The following AGL variants were observed in gnomAD, a reference collection of about 807,000 sequenced individuals.
AGL encodes the protein amylo-alpha-1,6-glucosidase and 4-alpha-glucanotransferase, also known as glycogen debranching enzyme.
A neutral mutation model predicts 199.3 loss-of-function variants in AGL; 128 were observed. That is an observed-to-expected ratio of 0.64 (90% CI 0.56 to 0.74). AGL has a LOEUF of 0.74. Ranked by LOEUF, AGL falls within the 30% of genes least tolerant of loss-of-function variation. The pLI is 0.00. For missense variants in AGL, 1,809 were observed against 1,820.8 expected (o/e 0.99, Z 0.12); for synonymous variants, 584 against 594.7 (o/e 0.98, Z 0.26).
In AGL at chr1:99,896,273, T is replaced by C; in HGVS notation, c.3260-13T>C. The C allele has an allele frequency of 1.3e-6, 2 of 1,580,256 alleles. No individual in the cohort carries two copies. Among genetic ancestry groups the C allele is most frequent in the Admixed American group, 1.7e-5 (1 of 59,892 alleles). On this transcript the variant is annotated splice_polypyrimidine_tract_variant and intron_variant, in intron 24 of 33. Coordinates refer to ENST00000361915, the MANE Select transcript of AGL (RefSeq NM_000642.3). ...ATGATTAACATATTACTTTGTTGTG[T>C]TTTTTTTGTTAGGCTTACCTCATTT...
At chr1:99,879,106 A>G (rs1204247232) in intron 12 of AGL, among the ~76,000 whole-genome samples, 2 of 152,230 alleles carry the variant, frequency 1.3e-5, no homozygotes, top group African/African-American at 2.4e-5. Context: ...AACGTAAATC[A>G]CACAAGTGGA....
At chr1:99,886,581 C>T (rs1187821615) in intron 20 of AGL, among the ~76,000 whole-genome samples, 1 of 152,078 alleles carries the variant, frequency 6.6e-6, no homozygotes, top group East Asian at 1.9e-4. Flanking sequence ...GTTTTTGACA[C>T]ATAGTGATTG....
At position 99,862,320 on chromosome 1, in the gene AGL, T is replaced by C. The variant is rs752374392; in HGVS notation, c.357T>C (p.Asn119=). The part of the protein sequence containing the change: ...VDPILRVGAD[N]HVLPLDCVTL... Reference sequence around the variant, plus strand: ...CCATTTTACGTGTTGGTGCTGATAATCATGTGCTACCCTTGGACTGTGTTA... The same window carrying C: ...CCATTTTACGTGTTGGTGCTGATAACCATGTGCTACCCTTGGACTGTGTTA... The change falls in exon 4 of 34, where the codon AAT becomes AAC. Residue 119 remains asparagine (N), a synonymous_variant. Transcript: ENST00000361915. 6.2e-7 allele frequency: 1 copy of C among 1,614,122 alleles called. No individual in the cohort carries two copies. The highest frequency in any genetic ancestry group is 1.1e-5 in the South Asian group (1 of 91,078).
intron 17 of AGL, among the ~76,000 whole-genome samples, chr1:99,883,582 T>A (rs1304484445): frequency 6.6e-6 from 1 of 152,144 alleles, no homozygotes; most frequent in Non-Finnish European, 1.5e-5. Flanking sequence ...CAAATATATA[T>A]AACTTCAATT....
chr1:99,882,983 A>G lies in AGL; in HGVS notation c.2309-1137A>G, dbSNP rs1308940993. 2.0e-5 allele frequency among the ~76,000 whole-genome samples: 3 copies of G among 152,200 alleles called. No individual in the cohort carries two copies. In the South Asian group the frequency reaches 6.2e-4, roughly 32 times the overall value. On this transcript the variant is annotated intron_variant, in intron 17 of 33. Coordinates refer to ENST00000361915, the MANE Select transcript of AGL (RefSeq NM_000642.3). ...TATACGTATTCAGTTTTATAGGACA[A>G]CAATCACTGTGTACAATATTATCTC...
intron 3 of AGL, 90 bp downstream of exon 3, chr1:99,861,803 T>G: frequency 1.4e-6 from 2 of 1,448,192 alleles, no homozygotes; most frequent in Non-Finnish European, 1.9e-6. Context: ...GTATGAACCA[T>G]GGCAGTGCAA....
At chr1:99,912,610 C>A in intron 29 of AGL, 93 bp downstream of exon 29, 1 of 905,418 alleles carries the variant, frequency 1.1e-6, no homozygotes, top group Non-Finnish European at 1.7e-6. Flanking sequence ...CAGCTAATAT[C>A]GGAAAACCCT....
intron 27 of AGL, among the ~76,000 whole-genome samples, chr1:99,907,622 CTG>C (rs1654393896): frequency 7.1e-6 from 1 of 140,634 alleles, no homozygotes; most frequent in South Asian, 2.2e-4. Flanking sequence ...TTGTTTTTTT[CTG>C]TGTTTGTTTT....
At position 99,861,188 on chromosome 1, in the gene AGL, G is replaced by T. The variant is rs564797201; in HGVS notation, c.83-315G>T. The T allele has an allele frequency of 1.2e-5, 15 of 1,217,642 alleles. No homozygotes were observed. The East Asian group carries it at 3.0e-4, about 24-fold the overall frequency. The allele number at this position is 1,217,642 out of a possible 1,614,324, so 75.4% of individuals were successfully genotyped here. On this transcript the variant is annotated intron_variant, in intron 2 of 33. Transcript: ENST00000361915. ...GGGTACTTAATTCAGGGGTGAGGAT[G>T]GGGGATCATGGTAAATGGGGTTGTA...
At chr1:99,876,158 A>C (rs943393318) in intron 10 of AGL, among the ~76,000 whole-genome samples, 2 of 152,164 alleles carry the variant, frequency 1.3e-5, no homozygotes, top group Non-Finnish European at 2.9e-5. Flanking sequence ...TACAGGCATG[A>C]GCCACCATGC....
chr1:99,880,138 A>AT, intron 13 of AGL, 92 bp downstream of exon 13: 1 of 1,533,784 alleles, frequency 6.5e-7, no homozygotes, highest in Non-Finnish European at 9.0e-7. Flanking sequence ...ATGCTTAATA[A>AT]TTTTTTAACA....
intron 27 of AGL, among the ~76,000 whole-genome samples, chr1:99,907,693 G>GTTTTTTTTGTTTTTTTTTTTTTT (rs148390359): frequency 5.9e-5 from 7 of 118,942 alleles, no homozygotes; most frequent in African/African-American, 9.0e-5. Context: ...TTTGTTTTTT[G>GTTTTTTTTGTTTTTTTTTTTTTT]TTTTTTTTGC....
intron 20 of AGL, among the ~76,000 whole-genome samples, chr1:99,885,912 A>C (rs1291082517): frequency 2.6e-5 from 4 of 152,172 alleles, no homozygotes; most frequent in Non-Finnish European, 5.9e-5. Flanking sequence ...CCTCACCCCC[A>C]GTCTGTGAAA....
chr1:99,854,735 G>A (rs1557740114), intron 2 of AGL, among the ~76,000 whole-genome samples: 1 of 149,928 alleles, frequency 6.7e-6, no homozygotes, highest in African/African-American at 2.5e-5. Flanking sequence ...CTGCACTCCA[G>A]CCTGGGTGAC....
chr1:99,849,598 C>CT (rs1301270392), upstream of AGL, among the ~76,000 whole-genome samples: 2 of 152,146 alleles, frequency 1.3e-5, no homozygotes, highest in African/African-American at 4.8e-5. Context: ...CACACCTTAC[C>CT]TACTGGGTCT....
At chr1:99,862,869 A>C (rs1650173617) in intron 4 of AGL, among the ~76,000 whole-genome samples, 2 of 152,182 alleles carry the variant, frequency 1.3e-5, no homozygotes, top group African/African-American at 2.4e-5. Flanking sequence ...CACAAATCCA[A>C]ACCATATCTT....
intron 10 of AGL, among the ~76,000 whole-genome samples, chr1:99,875,889 C>G (rs1407791373): frequency 1.3e-5 from 2 of 151,650 alleles, no homozygotes; most frequent in African/African-American, 4.8e-5. Context: ...TATTTTTTTT[C>G]TTTGAGATGG....
chr1:99,919,097 C>T (rs971943048), intron 33 of AGL, among the ~76,000 whole-genome samples: 1 of 152,170 alleles, frequency 6.6e-6, no homozygotes, highest in South Asian at 2.1e-4. Flanking sequence ...CTCTAGTACT[C>T]TATCCTGCAA....
Position 99,900,712 on chromosome 1 carries a change from A to G in AGL, c.3439A>G (p.Arg1147Gly), listed in dbSNP as rs267606639. 1 of 1,614,104 alleles carries G rather than the reference A, an allele frequency of 6.2e-7. No homozygotes were observed. The highest frequency in any genetic ancestry group is 8.5e-7 in the Non-Finnish European group (1 of 1,180,016). Residue 1147 changes from arginine to glycine, a missense_variant, in exon 26 of 34, where the codon AGA becomes GGA. Physicochemically the swap from Arg to Gly is moderately radical, Grantham distance 125 (BLOSUM62 -2). Transcript: ENST00000361915. ...TCTACTGGGTGAAGGAATTTATGCC[A>G]GATACAATTGTCGGGATGCTGTGTG... ...PNLLGEGIYA[R>G]YNCRDAVWWW...
Sources: allele counts gnomAD v4.1 joint callset (sites outside exome capture counted in the v4.1 genomes callset), GRCh38; gene constraint gnomAD v4.1.1; transcripts MANE v1.5; gene names NCBI Gene and HGNC (gene_info 2026-07-23, HGNC 2026-07-21).